The following NF2 variants were observed in gnomAD, a reference collection of about 807,000 sequenced individuals.
NF2 encodes the protein merlin.
In NF2, 8 loss-of-function variants were observed where a neutral mutation model predicts 83.7. The ratio of observed to expected loss-of-function variants is 0.10; its 90% CI spans 0.06 to 0.17. The LOEUF is 0.17. Ranked by LOEUF, NF2 falls within the 10% of genes least tolerant of loss-of-function variation. The pLI, the probability that NF2 is intolerant of heterozygous loss-of-function variation, is 1.00. For synonymous variants in NF2, 266 were observed against 269.6 expected, an observed-to-expected ratio of 0.99 and a Z score of 0.13; for missense variants, 533 against 744.4, an observed-to-expected ratio of 0.72 and a Z score of 3.31.
intron 1 of NF2, among the ~76,000 whole-genome samples, chr22:29,632,732 G>C (rs2065548087): frequency 6.6e-6 from 1 of 152,158 alleles, no homozygotes; most frequent in Admixed American, 6.5e-5. Flanking sequence ...TCCGTCCTGT[G>C]GACAGCCATT....
At chr22:29,646,989 T>C (rs2066000378) in intron 4 of NF2, among the ~76,000 whole-genome samples, 1 of 150,084 alleles carries the variant, frequency 6.7e-6, no homozygotes, top group Non-Finnish European at 1.5e-5. Context: ...TGAGCTGAGA[T>C]TGAGCCATTG....
intron 4 of NF2, among the ~76,000 whole-genome samples, chr22:29,647,284 C>T (rs2066009808): frequency 6.6e-6 from 1 of 152,172 alleles, no homozygotes; most frequent in Non-Finnish European, 1.5e-5. Flanking sequence ...TTTCTTAGTA[C>T]TCTTTAATGC....
At chr22:29,678,402 G>A in intron 14 of NF2, 79 bp downstream of exon 14, 1 of 1,563,648 alleles carries the variant, frequency 6.4e-7, no homozygotes, top group Non-Finnish European at 8.8e-7. Flanking sequence ...CTGGGGCAGA[G>A]GTGAGAGGTC....
chr22:29,657,395 TC>T (rs2066344241), intron 6 of NF2, among the ~76,000 whole-genome samples: 1 of 152,216 alleles, frequency 6.6e-6, no homozygotes, highest in Non-Finnish European at 1.5e-5. Context: ...TGTTGGGTTG[TC>T]CCCTGAGTTT....
At chr22:29,655,408 G>A (rs2066270846) in intron 5 of NF2, among the ~76,000 whole-genome samples, 186 bp from the exon 6 acceptor site, 1 of 152,160 alleles carries the variant, frequency 6.6e-6, no homozygotes, top group Non-Finnish European at 1.5e-5. Flanking sequence ...GCAGCTTTCT[G>A]AGTTGCTCCT....
At chr22:29,685,366 C>T (rs1344533596) in intron 15 of NF2, among the ~76,000 whole-genome samples, 1 of 151,920 alleles carries the variant, frequency 6.6e-6, no homozygotes, top group Non-Finnish European at 1.5e-5. Context: ...CCTCTGCCTC[C>T]CAGAGTGCTG....
chr22:29,645,786 G>A (rs1420425235), intron 4 of NF2, among the ~76,000 whole-genome samples: 1 of 152,198 alleles, frequency 6.6e-6, no homozygotes, highest in African/African-American at 2.4e-5. Flanking sequence ...ACCAGCAGAT[G>A]TTTGCTTAAA....
At chr22:29,683,428 G>A (rs1295234584) in intron 15 of NF2, 2 of 1,262,816 alleles carry the variant, frequency 1.6e-6, no homozygotes, top group African/African-American at 1.5e-5. Flanking sequence ...TGGAAATGGG[G>A]TCAATCTGGG....
At chr22:29,655,765 G>A (rs2066287198) in intron 6 of NF2, 89 bp downstream of exon 6, 2 of 1,047,302 alleles carry the variant, frequency 1.9e-6, no homozygotes, top group Non-Finnish European at 1.4e-6. Context: ...GGACATGCTT[G>A]TTAAACAAAA....
intron 1 of NF2, among the ~76,000 whole-genome samples, chr22:29,617,027 C>T (rs1410983750): frequency 6.6e-6 from 1 of 152,020 alleles, no homozygotes; most frequent in Non-Finnish European, 1.5e-5. Flanking sequence ...CACCCAGGCT[C>T]AAGCGATTCT....
At chr22:29,610,633 G>A (rs2064927074) in intron 1 of NF2, among the ~76,000 whole-genome samples, 1 of 146,128 alleles carries the variant, frequency 6.8e-6, no homozygotes, top group South Asian at 2.1e-4. Context: ...GACAAAGTGA[G>A]ACTCCATCTC....
Position 29,695,549 on chromosome 22 carries a change from A to AGG in NF2, c.*749_*750dup. 2 of 235,768 alleles carry AGG rather than the reference A, an allele frequency of 8.5e-6. No homozygotes were observed. The highest frequency in any genetic ancestry group is 1.7e-5 in the Non-Finnish European group (2 of 119,648). 14.6% of individuals were successfully genotyped at this position (235,768 alleles called of 1,614,324 possible). ...TGTCCCCCTCCGGCCACCCTAGACCAGGGTCCGAGAGGCAGGCAGGAGCCA... is the reference window on the plus strand; with the variant it reads ...TGTCCCCCTCCGGCCACCCTAGACCAGGGGGTCCGAGAGGCAGGCAGGAGCCA... On this transcript the variant is annotated 3_prime_UTR_variant, in exon 16 of 16. Transcript: ENST00000338641. The surrounding 1 kb of genome is among the most constrained non-coding windows in gnomAD (Gnocchi z 5.4).
chr22:29,635,043 A>AAAAG (rs1350547695), intron 1 of NF2, among the ~76,000 whole-genome samples: 1 of 152,210 alleles, frequency 6.6e-6, no homozygotes, highest in African/African-American at 2.4e-5. Flanking sequence ...CGGCCCTGCT[A>AAAAG]AAAGATAAAA....
chr22:29,672,991 G>GT (rs2066848621), intron 11 of NF2, among the ~76,000 whole-genome samples: 1 of 152,256 alleles, frequency 6.6e-6, no homozygotes, highest in Non-Finnish European at 1.5e-5. Context: ...AAAGAACAGA[G>GT]TTTAAGTTGT....
intron 4 of NF2, among the ~76,000 whole-genome samples, chr22:29,645,707 T>A (rs2065965309): frequency 6.6e-6 from 1 of 152,112 alleles, no homozygotes; most frequent in Admixed American, 6.6e-5. Flanking sequence ...AAAGGCTACA[T>A]TTTCTTTCCA....
chr22:29,661,746 G>A (rs1215658339), intron 8 of NF2, among the ~76,000 whole-genome samples: 2 of 152,062 alleles, frequency 1.3e-5, no homozygotes, highest in Non-Finnish European at 2.9e-5. Context: ...CTCCTGAGTA[G>A]CTACTACAGG....
chr22:29,683,811 G>A (rs1569313770), intron 15 of NF2: 2 of 1,060,828 alleles, frequency 1.9e-6, no homozygotes, highest in African/African-American at 1.6e-5. Flanking sequence ...TGAATTAACC[G>A]AATGTTTGCT....
At position 29,698,098 on chromosome 22, in the gene NF2, T is replaced by G. The variant is rs2067603397; in HGVS notation, c.*3296T>G. 1 of 230,924 alleles carries G rather than the reference T, an allele frequency of 4.3e-6. No homozygotes were observed. Among genetic ancestry groups the G allele is most frequent in the Non-Finnish European group, 8.6e-6 (1 of 116,570 alleles). The allele number at this position is 230,924 out of a possible 1,614,324, so 14.3% of individuals were successfully genotyped here. A position where few individuals can be genotyped will look rare whatever the true frequency, so the allele number is the denominator to read the frequency against. Reference sequence around the variant, plus strand: ...GCCGTGTGCAGCTGTGTGGCACAGATGGCTTCGTTCATCCTGATCAAGGCC... The same window carrying G: ...GCCGTGTGCAGCTGTGTGGCACAGAGGGCTTCGTTCATCCTGATCAAGGCC... On this transcript the variant is annotated 3_prime_UTR_variant, in exon 16 of 16. Transcript: ENST00000338641.
chr22:29,643,972 A>AC (rs1328851632), intron 4 of NF2, among the ~76,000 whole-genome samples: 25 of 121,010 alleles, frequency 2.1e-4, no homozygotes, highest in African/African-American at 3.2e-4. Flanking sequence ...CGGGGGGCTG[A>AC]CCCCCCCACC....
Sources: allele counts gnomAD v4.1 joint callset (sites outside exome capture counted in the v4.1 genomes callset), GRCh38; gene constraint gnomAD v4.1.1; non-coding constraint Gnocchi (gnomAD v3.1); transcripts MANE v1.5; gene names NCBI Gene and HGNC (gene_info 2026-07-23, HGNC 2026-07-21).